TPRA1: variants seen among roughly 807,000 people sequenced by gnomAD.
The protein encoded by TPRA1 is transmembrane protein adipocyte associated 1.
In TPRA1, 28 loss-of-function variants were observed where a neutral mutation model predicts 40.1. The observed-to-expected ratio is 0.70, with a 90% CI of 0.52 to 0.96. TPRA1 has a LOEUF of 0.96. TPRA1 is among the 40% of genes least tolerant of loss of function. The pLI, the probability that TPRA1 is intolerant of heterozygous loss-of-function variation, is 0.00. For missense variants in TPRA1, 441 were observed against 482.6 expected, an observed-to-expected ratio of 0.91 and a Z score of 0.81; for synonymous variants, 219 against 209.7, an observed-to-expected ratio of 1.04 and a Z score of -0.38.
chr3:127,578,999 C>G (rs147941060), intron 3 of TPRA1, among the ~76,000 whole-genome samples: 3 of 149,402 alleles, frequency 2.0e-5, no homozygotes, highest in African/African-American at 7.6e-5. Context: ...AGCCCACACC[C>G]GAAGCCCACA....
intron 10 of TPRA1, among the ~76,000 whole-genome samples, chr3:127,574,747 G>A (rs910948277): frequency 1.3e-5 from 2 of 152,238 alleles, no homozygotes; most frequent in Non-Finnish European, 2.9e-5. Flanking sequence ...CGTGGGGAGA[G>A]TATGTCTGTG....
intron 10 of TPRA1, among the ~76,000 whole-genome samples, chr3:127,574,090 T>C (rs939762185): frequency 3.3e-5 from 5 of 152,194 alleles, no homozygotes. Context: ...GCTTCAACAG[T>C]GCCTGCCCAA....
intron 1 of TPRA1, among the ~76,000 whole-genome samples, chr3:127,584,829 C>CT (rs920188744): frequency 1.1e-4 from 16 of 151,764 alleles, no homozygotes; most frequent in African/African-American, 3.1e-4. Flanking sequence ...TTAAAAAGAA[C>CT]TTTTTTTTTG....
intron 1 of TPRA1, among the ~76,000 whole-genome samples, chr3:127,588,868 GC>G (rs897839083): frequency 6.6e-6 from 1 of 152,204 alleles, no homozygotes. Context: ...GAGAGGAGAG[GC>G]AGAGAAGGGG....
chr3:127,593,195 G>A (rs2074206976), upstream of TPRA1, among the ~76,000 whole-genome samples: 1 of 152,198 alleles, frequency 6.6e-6, no homozygotes, highest in African/African-American at 2.4e-5. Flanking sequence ...ACACAGGACA[G>A]AGCGTGGCAT....
Position 127,576,499 on chromosome 3 carries a change from G to A in TPRA1, c.498+118C>T. The A allele has an allele frequency of 9.9e-7, 1 of 1,006,508 alleles. No individual in the cohort carries two copies. Among genetic ancestry groups the A allele is most frequent in the Non-Finnish European group, 1.4e-6 (1 of 701,466 alleles). 62.3% of individuals were successfully genotyped at this position (1,006,508 alleles called of 1,614,324 possible). On this transcript the variant is annotated intron_variant, in intron 6 of 10. Transcript: ENST00000355552. This position sits in a 1 kb window ranked among gnomAD's most constrained non-coding sequence, Gnocchi z 4.6. ...ACAAGCACCCCATGTGATTTCTCAG[G>A]TGCAAAGTTTTGAGAACTCTGAAGG...
rs768385322 is a variant in TPRA1, at chr3:127,572,251, G to A, written c.*1270C>T. Among the ~76,000 whole-genome samples, 39 of 152,218 alleles carry A rather than the reference G, an allele frequency of 2.6e-4. No homozygotes were observed. The highest frequency in any genetic ancestry group is 3.5e-4 in the Non-Finnish European group (24 of 68,034). The stretch of plus-strand genomic sequence containing the variant: ...CCCCTAAAAAAAAAAGGCTGATCGC[G>A]GAGGCGGGCAACAGCCTGATCCTCA... On this transcript the variant is annotated 3_prime_UTR_variant, in exon 11 of 11. Transcript: ENST00000355552.
At position 127,576,566 on chromosome 3, in the gene TPRA1, G is replaced by C. The variant is rs1235407447; in HGVS notation, c.498+51C>G. 1 of 1,515,006 alleles carries C rather than the reference G, an allele frequency of 6.6e-7. No individual in the cohort carries two copies. The highest frequency in any genetic ancestry group is 2.5e-5 in the East Asian group (1 of 40,654). 93.8% of individuals were successfully genotyped at this position (1,515,006 alleles called of 1,614,324 possible). ...CCTGACCCAGACCCAGAAGCAGTGG[G>C]TGCCTGGTGCCCTGACTCCTAGCGT... is the stretch of plus-strand genomic sequence containing the variant. On this transcript the variant is annotated intron_variant, in intron 6 of 10. Coordinates refer to ENST00000355552, the MANE Select transcript of TPRA1 (RefSeq NM_001136053.4). The surrounding 1 kb of genome is among the most constrained non-coding windows in gnomAD (Gnocchi z 4.6).
At chr3:127,584,337 G>T (rs1217595366) in intron 1 of TPRA1, among the ~76,000 whole-genome samples, 5 of 150,734 alleles carry the variant, frequency 3.3e-5, no homozygotes, top group Admixed American at 6.6e-5. Flanking sequence ...GCTACTCGGT[G>T]GGGCCGAGGT....
rs930813471 is a variant in TPRA1 at position 127,575,993 on chromosome 3, A to T, written c.556T>A (p.Tyr186Asn). ...AHLSAEDFNI[Y>N]GHGGRQFWLV... ...CAGAACTGGCGGCCCCCATGGCCAT[A>T]GATATTAAAGTCCTCAGCTGAGAGA... Residue 186 changes from tyrosine (Y) to asparagine (N), a missense_variant, in exon 7 of 11, where the codon TAT (tyrosine) becomes AAT (asparagine). Physicochemically the swap from Tyr to Asn is moderately radical, Grantham distance 143 (BLOSUM62 -2). Coordinates refer to ENST00000355552, the MANE Select transcript of TPRA1 (RefSeq NM_001136053.4). The T allele has an allele frequency of 2.5e-6, 4 of 1,614,066 alleles. No homozygotes were observed. Among genetic ancestry groups the T allele is most frequent in the Non-Finnish European group, 3.4e-6 (4 of 1,180,028 alleles).
chr3:127,577,496 A>C (rs543572935), intron 3 of TPRA1, among the ~76,000 whole-genome samples: 12 of 152,214 alleles, frequency 7.9e-5, no homozygotes, highest in Non-Finnish European at 1.2e-4. Context: ...GGTCAAATGG[A>C]TTAACAGATG....
At chr3:127,574,230 C>A (rs1050937882) in intron 10 of TPRA1, among the ~76,000 whole-genome samples, 1 of 152,212 alleles carries the variant, frequency 6.6e-6, no homozygotes, top group Non-Finnish European at 1.5e-5. Context: ...ACACACTACA[C>A]CCAATTTACA....
At chr3:127,592,367 GTTTTTTTTTTTTTTTTT>G (rs746017013), upstream of TPRA1, among the ~76,000 whole-genome samples, 1 of 88,508 alleles carries the variant, frequency 1.1e-5, no homozygotes, top group African/African-American at 4.3e-5. Context: ...GCAACATGCT[GTTTTTTTTTTTTTTTTT>G]TTTTTTTTTT....
rs1361887546 is a variant in TPRA1 at position 127,576,729 on chromosome 3, C to T, written c.419-33G>A. The T allele has an allele frequency of 6.2e-7, 1 of 1,610,064 alleles. No homozygotes were observed. Among genetic ancestry groups the T allele is most frequent in the Non-Finnish European group, 8.5e-7 (1 of 1,178,280 alleles). The stretch of plus-strand genomic sequence containing the variant: ...AAACATGCTGGTCAGCAGGCAGGAG[C>T]CAGCCCAGGTGACCACTCCAGAGTC... On this transcript the variant is annotated intron_variant, in intron 5 of 10. Coordinates refer to ENST00000355552, the MANE Select transcript of TPRA1 (RefSeq NM_001136053.4). This position sits in a 1 kb window ranked among gnomAD's most constrained non-coding sequence, Gnocchi z 4.6.
intron 1 of TPRA1, chr3:127,587,242 G>C (rs574246916): frequency 2.0e-5 from 3 of 152,290 alleles, no homozygotes; most frequent in Non-Finnish European, 4.4e-5. Context: ...GTACCACCTT[G>C]ACCTCACGCT....
At chr3:127,584,621 A>G (rs2073945673) in intron 1 of TPRA1, among the ~76,000 whole-genome samples, 1 of 152,106 alleles carries the variant, frequency 6.6e-6, no homozygotes, top group Non-Finnish European at 1.5e-5. Flanking sequence ...TTTAGCTTAC[A>G]CATCGCTTCC....
rs532915811 is a variant in TPRA1, at chr3:127,583,713, C to T, written c.-17-3550G>A. Among the ~76,000 whole-genome samples the T allele has an allele frequency of 5.3e-5, 8 of 151,890 alleles. No individual in the cohort carries two copies. The East Asian group carries it at 1.2e-3, about 22-fold the overall frequency. On this transcript the variant is annotated intron_variant, in intron 1 of 10. Coordinates refer to ENST00000355552, the MANE Select transcript of TPRA1 (RefSeq NM_001136053.4). Reference sequence around the variant, plus strand: ...TTGAGACATTGTCTTGCTCTGTCTCCAGGCTAGAGTGCAGTGGCGTGATCT... The same window carrying T: ...TTGAGACATTGTCTTGCTCTGTCTCTAGGCTAGAGTGCAGTGGCGTGATCT...
intron 10 of TPRA1, chr3:127,574,958 C>A: frequency 1.7e-6 from 1 of 583,942 alleles, no homozygotes; most frequent in South Asian, 2.0e-5. Flanking sequence ...GCTTGTGCAT[C>A]CGTGTGTGCA....
chr3:127,573,779 G>A lies in TPRA1; in HGVS notation c.864C>T (p.Pro288=), dbSNP rs1421762442. 5 of 1,571,784 alleles carry A rather than the reference G, an allele frequency of 3.2e-6. No homozygotes were observed. Among genetic ancestry groups the A allele is most frequent in the Non-Finnish European group, 4.3e-6 (5 of 1,153,382 alleles). Residue 288 remains proline (P), a synonymous_variant, in exon 11 of 11, where the codon CCC becomes CCT. Transcript: ENST00000355552. ...GGCATTTGTAGGAGAAGAGGATCTTGGGCTCCGAGCTGATAAAAGGAAAAG... is the reference window on the plus strand; with the variant it reads ...GGCATTTGTAGGAGAAGAGGATCTTAGGCTCCGAGCTGATAAAAGGAAAAG... ...AFLRGFFGSE[P]KILFSYKCQV...
Sources: allele counts gnomAD v4.1 joint callset (sites outside exome capture counted in the v4.1 genomes callset), GRCh38; gene constraint gnomAD v4.1.1; non-coding constraint Gnocchi (gnomAD v3.1); transcripts MANE v1.5; gene names NCBI Gene and HGNC (gene_info 2026-07-23, HGNC 2026-07-21).